ELFN1: variants seen among roughly 807,000 people sequenced by gnomAD.
ELFN1 encodes extracellular leucine rich repeat and fibronectin type III domain containing 1.
A neutral mutation model predicts 7.6 loss-of-function variants in ELFN1; 6 were observed. That is an observed-to-expected ratio of 0.79 (90% CI 0.43 to 1.56). ELFN1 has a LOEUF of 1.56. Ranked by LOEUF, ELFN1 falls within the 40% of genes most tolerant of loss-of-function variation. ELFN1 has a pLI of 0.01. For synonymous variants in ELFN1, 657 were observed against 588.1 expected (o/e 1.12, Z -1.70); for missense variants, 1,169 against 1,232.2 (o/e 0.95, Z 0.77).
chr7:1,687,219 G>C (rs1025217813), intron 1 of ELFN1, among the ~76,000 whole-genome samples: 3 of 152,154 alleles, frequency 2.0e-5, no homozygotes, highest in African/African-American at 7.2e-5. Flanking sequence ...ATGAATGAAG[G>C]CCTTTGGTTA....
chr7:1,706,049 G>A (rs1779524123), intron 2 of ELFN1, among the ~76,000 whole-genome samples: 1 of 152,310 alleles, frequency 6.6e-6, no homozygotes, highest in South Asian at 2.1e-4. Flanking sequence ...GTGTCGCTGA[G>A]CTGCCAGCCT....
At chr7:1,717,934 G>C (rs1372702855) in intron 3 of ELFN1, among the ~76,000 whole-genome samples, 1 of 152,184 alleles carries the variant, frequency 6.6e-6, no homozygotes, top group Non-Finnish European at 1.5e-5. Flanking sequence ...TGAGCGAGAA[G>C]CCTCTCATCT....
chr7:1,674,138 C>T (rs1050557915), intron 1 of ELFN1, among the ~76,000 whole-genome samples: 3 of 151,678 alleles, frequency 2.0e-5, no homozygotes, highest in Non-Finnish European at 4.4e-5. Context: ...CAGAGAGGAC[C>T]ACTCCTCTGC....
intron 3 of ELFN1, among the ~76,000 whole-genome samples, chr7:1,716,748 C>T (rs371877923): frequency 6.6e-6 from 1 of 152,222 alleles, no homozygotes; most frequent in East Asian, 1.9e-4. Flanking sequence ...ACCCGGGAAA[C>T]TGTGATTCCA....
chr7:1,726,676 C>G (rs114605122), intron 3 of ELFN1, among the ~76,000 whole-genome samples: 3,541 of 152,296 alleles, frequency 0.023, 155 homozygotes, highest in African/African-American at 0.08. Flanking sequence ...TGGATACAGA[C>G]AGGTGAGCAG....
At chr7:1,688,012 A>G (rs1779089224) in intron 1 of ELFN1, 46 bp from the exon 2 acceptor site, 1 of 148,850 alleles carries the variant, frequency 6.7e-6, no homozygotes. Context: ...CTACAGGCAC[A>G]TGCCACCATG....
rs191432685 is a variant in ELFN1, at chr7:1,746,030, C to T, written c.1434C>T (p.Pro478=). The part of the protein sequence containing the change: ...ELKYGPELEA[P]GLAPLSQGPL... ...AGTACGGGCCAGAGCTGGAGGCGCCCGGCCTGGCCCCGCTGTCCCAGGGCC... is the reference window on the plus strand; with the variant it reads ...AGTACGGGCCAGAGCTGGAGGCGCCTGGCCTGGCCCCGCTGTCCCAGGGCC... Residue 478 remains proline, a synonymous_variant, in exon 4 of 4, where the codon CCC becomes CCT. Coordinates refer to ENST00000424383, the MANE Select transcript of ELFN1 (RefSeq NM_001128636.4). 812 of 1,545,328 alleles carry T rather than the reference C, an allele frequency of 5.3e-4. 1 individual carries two copies. In the African/African-American group the frequency reaches 9.2e-3, roughly 18 times the overall value.
At chr7:1,696,392 C>CTTTTT (rs964898176) in intron 2 of ELFN1, among the ~76,000 whole-genome samples, 1 of 137,250 alleles carries the variant, frequency 7.3e-6, no homozygotes, top group Non-Finnish European at 1.6e-5. Context: ...TTCTTTCTTT[C>CTTTTT]TTTTTTTTTT....
chr7:1,669,146 G>A (rs762587851), upstream of ELFN1, among the ~76,000 whole-genome samples: 7 of 152,244 alleles, frequency 4.6e-5, no homozygotes, highest in Non-Finnish European at 7.3e-5. Context: ...GGTCCATACA[G>A]GACTGAACGG....
At chr7:1,694,027 A>G in intron 2 of ELFN1, 1 of 351,390 alleles carries the variant, frequency 2.8e-6, no homozygotes, top group Admixed American at 3.8e-5. Flanking sequence ...AGAGCTGAAC[A>G]GCCTTCAGGG....
rs530789784 is a variant in ELFN1 at position 1,705,969 on chromosome 7, G to A, written c.-455-3122G>A. Among the ~76,000 whole-genome samples the A allele has an allele frequency of 3.5e-4, 53 of 152,284 alleles. No individual in the cohort carries two copies. Among genetic ancestry groups the A allele is most frequent in the Middle Eastern group, 3.4e-3 (1 of 294 alleles). ...CCCTGACAAAGGGATGGTCACGATC[G>A]TCCTTGTTCTACAGGGAGGGAAACT... On this transcript the variant is annotated intron_variant, in intron 2 of 3. Transcript: ENST00000424383. The surrounding 1 kb of genome is among the most constrained non-coding windows in gnomAD (Gnocchi z 4.3).
At chr7:1,707,225 C>A (rs556009586) in intron 2 of ELFN1, among the ~76,000 whole-genome samples, 1 of 152,262 alleles carries the variant, frequency 6.6e-6, no homozygotes, top group Non-Finnish European at 1.5e-5. Context: ...CTGGCTGTTC[C>A]GCTTTTGGAT....
chr7:1,731,343 C>T (rs368245590), intron 3 of ELFN1, among the ~76,000 whole-genome samples: 1 of 151,992 alleles, frequency 6.6e-6, no homozygotes, highest in Non-Finnish European at 1.5e-5. Flanking sequence ...ACTAAAGAAA[C>T]GCAGAAAAGG....
chr7:1,702,043 G>C (rs1333654865), intron 2 of ELFN1, among the ~76,000 whole-genome samples: 1 of 152,000 alleles, frequency 6.6e-6, no homozygotes, highest in African/African-American at 2.4e-5. Flanking sequence ...GGATTTTTCT[G>C]TTTGTTCCAT....
chr7:1,712,372 G>T (rs183750479), intron 3 of ELFN1, among the ~76,000 whole-genome samples: 10 of 150,742 alleles, frequency 6.6e-5, no homozygotes, highest in African/African-American at 2.4e-4. Flanking sequence ...TGCCCGCCTC[G>T]GCCTCCCAAA....
chr7:1,705,249 T>C lies in ELFN1; in HGVS notation c.-455-3842T>C, dbSNP rs1779507788. On this transcript the variant is annotated intron_variant, in intron 2 of 3. Transcript: ENST00000424383. This position sits in a 1 kb window ranked among gnomAD's most constrained non-coding sequence, Gnocchi z 4.3. ...TGTGCGGGAGGCTGGGCTGCTGGCA[T>C]CAGCAGGCGCCCCTCCTCCCCACCT... Among the ~76,000 whole-genome samples, 1 of 152,128 alleles carries C rather than the reference T, an allele frequency of 6.6e-6. No homozygotes were observed. The highest frequency in any genetic ancestry group is 1.5e-5 in the Non-Finnish European group (1 of 67,998).
chr7:1,742,911 A>G (rs1270153690), intron 3 of ELFN1, among the ~76,000 whole-genome samples: 1 of 152,278 alleles, frequency 6.6e-6, no homozygotes, highest in Non-Finnish European at 1.5e-5. Flanking sequence ...GCAAACGTCA[A>G]TATCAGTGAA....
intron 1 of ELFN1, among the ~76,000 whole-genome samples, chr7:1,684,106 C>T (rs2128577685): frequency 6.6e-6 from 1 of 152,210 alleles, no homozygotes; most frequent in South Asian, 2.1e-4. Context: ...GCTAAGATTA[C>T]ACCACTGTAC....
At chr7:1,721,604 A>G (rs998192097) in intron 3 of ELFN1, among the ~76,000 whole-genome samples, 6 of 152,220 alleles carry the variant, frequency 3.9e-5, no homozygotes, top group Non-Finnish European at 7.4e-5. Flanking sequence ...CACCATTTGC[A>G]TGCAGGGCAT....
Sources: allele counts gnomAD v4.1 joint callset (sites outside exome capture counted in the v4.1 genomes callset), GRCh38; gene constraint gnomAD v4.1.1; non-coding constraint Gnocchi (gnomAD v3.1); transcripts MANE v1.5; gene names NCBI Gene and HGNC (gene_info 2026-07-23, HGNC 2026-07-21).